BBC3: variants seen among roughly 807,000 people sequenced by gnomAD.
The protein encoded by BBC3 is bcl-2-binding component 3.
A neutral mutation model predicts 18.2 loss-of-function variants in BBC3; 5 were observed. That is an observed-to-expected ratio of 0.27 (90% CI 0.14 to 0.58). The LOEUF (loss-of-function observed/expected upper bound fraction) is 0.58. Ranked by LOEUF, BBC3 falls within the 20% of genes least tolerant of loss-of-function variation. The pLI is 0.91. For synonymous variants in BBC3, 119 were observed against 128.0 expected (o/e 0.93, Z 0.47); for missense variants, 224 against 268.9 (o/e 0.83, Z 1.17).
upstream of BBC3, among the ~76,000 whole-genome samples, chr19:47,231,613 A>G (rs913119462): frequency 6.6e-6 from 1 of 152,184 alleles, no homozygotes; most frequent in Non-Finnish European, 1.5e-5. This position sits in a 1 kb window ranked among gnomAD's most constrained non-coding sequence, Gnocchi z 4.0. Context: ...ACACAAGGCC[A>G]CAGTCTCGCA....
intron 3 of BBC3, among the ~76,000 whole-genome samples, chr19:47,225,778 A>G (rs935799809): frequency 2.0e-5 from 3 of 152,172 alleles, no homozygotes; most frequent in African/African-American, 7.2e-5. Context: ...AGAATGCTCC[A>G]TGATTCTAAG....
Position 47,231,122 on chromosome 19 carries a change from C to G in BBC3, c.-209G>C, listed in dbSNP as rs1170427170. ...CCCCGGGCCGCAGGCGCGTCCGCGT[C>G]GTGGCCGCTGCTGGGATCGCTGGTG... On this transcript the variant is annotated 5_prime_UTR_variant, in exon 1 of 4. Transcript: ENST00000439096. This position sits in a 1 kb window ranked among gnomAD's most constrained non-coding sequence, Gnocchi z 4.0. 2 of 982,580 alleles carry G rather than the reference C, an allele frequency of 2.0e-6. No individual in the cohort carries two copies. The highest frequency in any genetic ancestry group is 3.5e-5 in the African/African-American group (2 of 57,082). 60.9% of individuals were successfully genotyped at this position (982,580 alleles called of 1,614,324 possible). A position where few individuals can be genotyped will look rare whatever the true frequency, so the allele number is the denominator to read the frequency against.
Position 47,221,356 on chromosome 19 carries a change from T to C in BBC3, c.*446A>G, listed in dbSNP as rs1600231514. The C allele has an allele frequency of 4.4e-6, 1 of 225,678 alleles. No individual in the cohort carries two copies. Among genetic ancestry groups the C allele is most frequent in the African/African-American group, 2.6e-5 (1 of 38,396 alleles). 14.0% of individuals were successfully genotyped at this position (225,678 alleles called of 1,614,324 possible). On this transcript the variant is annotated 3_prime_UTR_variant, in exon 4 of 4. Coordinates refer to ENST00000439096, the MANE Select transcript of BBC3 (RefSeq NM_014417.5). The stretch of plus-strand genomic sequence containing the variant: ...GCTCATTTGCTCTTCACGGGCCCCC[T>C]CCCAGGAGGAGGGGGGGAAGCACCA...
At chr19:47,226,809 T>C in intron 2 of BBC3, 55 bp from the exon 3 acceptor site, 1 of 1,319,252 alleles carries the variant, frequency 7.6e-7, no homozygotes, top group Non-Finnish European at 9.8e-7. Context: ...GGCCTCGAGG[T>C]GTCTCGGCCT....
chr19:47,228,560 C>T lies in BBC3; in HGVS notation c.-15-114G>A. ...AGAAGAGTGGAGGTGTGTGTGCATGCGGAGGGGGTGACGGCCCCACAGAGA... is the reference window on the plus strand; with the variant it reads ...AGAAGAGTGGAGGTGTGTGTGCATGTGGAGGGGGTGACGGCCCCACAGAGA... On this transcript the variant is annotated intron_variant, in intron 1 of 3. Transcript: ENST00000439096. This position sits in a 1 kb window ranked among gnomAD's most constrained non-coding sequence, Gnocchi z 5.5. 1.9e-6 allele frequency: 2 copies of T among 1,052,736 alleles called. No individual in the cohort carries two copies. Among genetic ancestry groups the T allele is most frequent in the Non-Finnish European group, 2.4e-6 (2 of 827,532 alleles). The allele number at this position is 1,052,736 out of a possible 1,614,324, so 65.2% of individuals were successfully genotyped here. A position where few individuals can be genotyped will look rare whatever the true frequency, so the allele number is the denominator to read the frequency against.
chr19:47,226,125 C>A (rs1370004638), intron 3 of BBC3, among the ~76,000 whole-genome samples: 2 of 151,908 alleles, frequency 1.3e-5, no homozygotes, highest in African/African-American at 2.4e-5. Context: ...CCCACCCCTG[C>A]GGTCCCCGGC....
chr19:47,221,435 T>TCC lies in BBC3; in HGVS notation c.*365_*366dup, dbSNP rs1185226395. 23 of 156,912 alleles carry TCC rather than the reference T, an allele frequency of 1.5e-4. 2 individuals are homozygous for TCC. The East Asian group carries it at 5.4e-3, about 37-fold the overall frequency. The allele number at this position is 156,912 out of a possible 1,614,324, so 9.7% of individuals were successfully genotyped here. A position where few individuals can be genotyped will look rare whatever the true frequency, so the allele number is the denominator to read the frequency against. On this transcript the variant is annotated 3_prime_UTR_variant, in exon 4 of 4. Transcript: ENST00000439096. ...GAGCACCGAGAGGAGAGCCCCCCCC[T>TCC]CCCAGTGTCACCCCTGCAGCTGGAA...
upstream of BBC3, chr19:47,231,320 G>T: frequency 1.8e-6 from 1 of 554,274 alleles, no homozygotes; most frequent in Non-Finnish European, 2.3e-6. This position sits in a 1 kb window ranked among gnomAD's most constrained non-coding sequence, Gnocchi z 4.0. Context: ...CGCCCGCCGC[G>T]GACAAGTCAG....
In BBC3 at chr19:47,230,704, C is replaced by T. The variant is rs1321512117; in HGVS notation, c.-16+225G>A. 17 of 984,244 alleles carry T rather than the reference C, an allele frequency of 1.7e-5. No homozygotes were observed. The highest frequency in any genetic ancestry group is 1.9e-5 in the Non-Finnish European group (16 of 829,078). The allele number at this position is 984,244 out of a possible 1,614,324, so 61.0% of individuals were successfully genotyped here. ...GCACCCCATTGTTTGTAAACAAACC[C>T]GCCAGACCGCCGAGGCACCTGTGCG... On this transcript the variant is annotated intron_variant, in intron 1 of 3. Coordinates refer to ENST00000439096, the MANE Select transcript of BBC3 (RefSeq NM_014417.5). This position sits in a 1 kb window ranked among gnomAD's most constrained non-coding sequence, Gnocchi z 6.7.
At chr19:47,227,865 G>T (rs2058855946) in intron 2 of BBC3, among the ~76,000 whole-genome samples, 1 of 152,194 alleles carries the variant, frequency 6.6e-6, no homozygotes, top group Non-Finnish European at 1.5e-5. Flanking sequence ...GACCCAGACT[G>T]GGGGAGGGGA....
Position 47,221,589 on chromosome 19 carries a change from T to G in BBC3, c.*213A>C. 1 of 1,026,030 alleles carries G rather than the reference T, an allele frequency of 9.7e-7. No individual in the cohort carries two copies. The highest frequency in any genetic ancestry group is 1.6e-5 in the South Asian group (1 of 64,092). 63.6% of individuals were successfully genotyped at this position (1,026,030 alleles called of 1,614,324 possible). A position where few individuals can be genotyped will look rare whatever the true frequency, so the allele number is the denominator to read the frequency against. ...ATCAGCCGTCCCTCTCCTGGCTTCT[T>G]GGCCAGGGACCCAGGAGTCCGCATC... On this transcript the variant is annotated 3_prime_UTR_variant, in exon 4 of 4. Coordinates refer to ENST00000439096, the MANE Select transcript of BBC3 (RefSeq NM_014417.5).
upstream of BBC3, chr19:47,232,430 A>G (rs1480956489): frequency 8.4e-7 from 1 of 1,186,536 alleles, no homozygotes; most frequent in Non-Finnish European, 1.2e-6. Context: ...CCACCCACAC[A>G]TGTCACAAAG....
chr19:47,222,932 C>CCGCAG (rs2123358471), intron 3 of BBC3, among the ~76,000 whole-genome samples: 1 of 131,050 alleles, frequency 7.6e-6, no homozygotes, highest in Admixed American at 8.9e-5. Context: ...TGCCATTGCA[C>CCGCAG]TCCAGCCTGG....
chr19:47,232,742 G>T (rs1336891148), upstream of BBC3: 11 of 709,594 alleles, frequency 1.6e-5, no homozygotes, highest in South Asian at 2.0e-4. Flanking sequence ...ATCCTTACTG[G>T]GTCTCACCCA....
At position 47,230,209 on chromosome 19, in the gene BBC3, G is replaced by C. The variant is rs2058892954; in HGVS notation, c.-16+720C>G. Reference sequence around the variant, plus strand: ...CAGAACCCCACACAAACAGGCGCGGGGACTCACGCAGACACCCCGACGGGT... The same window carrying C: ...CAGAACCCCACACAAACAGGCGCGGCGACTCACGCAGACACCCCGACGGGT... On this transcript the variant is annotated intron_variant, in intron 1 of 3. Transcript: ENST00000439096. The surrounding 1 kb of genome is among the most constrained non-coding windows in gnomAD (Gnocchi z 6.7). Among the ~76,000 whole-genome samples, 1 of 151,788 alleles carries C rather than the reference G, an allele frequency of 6.6e-6. No individual in the cohort carries two copies. The highest frequency in any genetic ancestry group is 2.1e-4 in the South Asian group (1 of 4,804).
chr19:47,226,218 C>T (rs1318858372), intron 3 of BBC3, among the ~76,000 whole-genome samples: 2 of 151,542 alleles, frequency 1.3e-5, no homozygotes, highest in African/African-American at 4.8e-5. Context: ...CGGCTGCTGA[C>T]TCACCGGCTA....
In BBC3 at chr19:47,230,851, A is replaced by G. The variant is rs528926298; in HGVS notation, c.-16+78T>C. 25 of 982,796 alleles carry G rather than the reference A, an allele frequency of 2.5e-5. No individual in the cohort carries two copies. The East Asian group carries it at 2.6e-3, about 104-fold the overall frequency. The allele number at this position is 982,796 out of a possible 1,614,324, so 60.9% of individuals were successfully genotyped here. A position where few individuals can be genotyped will look rare whatever the true frequency, so the allele number is the denominator to read the frequency against. ...GGCGCCCACACTGCTCTCCGCCTGCACTCCTGTCACCTCCTCCAGGGAGTC... is the reference window on the plus strand; with the variant it reads ...GGCGCCCACACTGCTCTCCGCCTGCGCTCCTGTCACCTCCTCCAGGGAGTC... On this transcript the variant is annotated intron_variant, in intron 1 of 3. Coordinates refer to ENST00000439096, the MANE Select transcript of BBC3 (RefSeq NM_014417.5). This position sits in a 1 kb window ranked among gnomAD's most constrained non-coding sequence, Gnocchi z 6.7.
In BBC3 at chr19:47,228,690, C is replaced by T. The variant is rs2058871932; in HGVS notation, c.-15-244G>A. On this transcript the variant is annotated intron_variant, in intron 1 of 3. Transcript: ENST00000439096. This position sits in a 1 kb window ranked among gnomAD's most constrained non-coding sequence, Gnocchi z 5.5. ...GAGGGACAGGGGGCACAGGACGGCT[C>T]TCACAGCAAGGACAGGGCTCACACA... Among the ~76,000 whole-genome samples, 1 of 152,094 alleles carries T rather than the reference C, an allele frequency of 6.6e-6. No homozygotes were observed.
intron 1 of BBC3, among the ~76,000 whole-genome samples, chr19:47,229,049 T>G (rs1228443781): frequency 6.6e-6 from 1 of 151,400 alleles, no homozygotes; most frequent in Non-Finnish European, 1.5e-5. Flanking sequence ...TCACAAGCAC[T>G]CTACATACTG....
Sources: gnomAD v4.1 joint callset for allele counts (sites outside exome capture counted in the v4.1 genomes callset) on GRCh38, gnomAD v4.1.1 for gene constraint, Gnocchi (gnomAD v3.1) non-coding constraint, MANE v1.5 for transcripts, NCBI Gene and HGNC (gene_info 2026-07-23, HGNC 2026-07-21) for gene names.